MYO16: variants seen among roughly 807,000 people sequenced by gnomAD.
The protein encoded by MYO16 is unconventional myosin-XVI.
Under a neutral mutation model 205.3 loss-of-function variants are expected in MYO16, and 94 were observed. The ratio of observed to expected loss-of-function variants is 0.46; its 90% CI spans 0.39 to 0.54. The LOEUF (loss-of-function observed/expected upper bound fraction) is 0.54, where lower values mean the gene tolerates loss of function less well. MYO16 is among the 20% of genes least tolerant of loss of function. The pLI is 0.00. For missense variants in MYO16, 2,315 were observed against 2,387.5 expected (o/e 0.97, Z 0.63); for synonymous variants, 988 against 954.0 (o/e 1.04, Z -0.66).
At chr13:108,690,767 A>C (rs1394114969) in intron 2 of MYO16, among the ~76,000 whole-genome samples, 2 of 152,158 alleles carry the variant, frequency 1.3e-5, no homozygotes, top group Non-Finnish European at 2.9e-5. Context: ...GTTACTGAAA[A>C]AAGTATAAGA....
intron 27 of MYO16, among the ~76,000 whole-genome samples, chr13:109,100,413 A>C (rs1888924646): frequency 6.6e-6 from 1 of 152,206 alleles, no homozygotes; most frequent in Non-Finnish European, 1.5e-5. Flanking sequence ...GGCCATAAAG[A>C]ATGCTCAAAT....
intron 3 of MYO16, among the ~76,000 whole-genome samples, chr13:108,726,238 A>G (rs1884330859): frequency 6.6e-6 from 1 of 152,210 alleles, no homozygotes; most frequent in African/African-American, 2.4e-5. Flanking sequence ...TGCATTTAGC[A>G]TTATGTAACT....
At chr13:108,879,528 C>T (rs1480154558) in intron 12 of MYO16, among the ~76,000 whole-genome samples, 1 of 152,112 alleles carries the variant, frequency 6.6e-6, no homozygotes, top group Non-Finnish European at 1.5e-5. Flanking sequence ...CAACCCCAGA[C>T]AGGCCCCAGT....
At chr13:108,948,902 A>G (rs1883038576) in intron 16 of MYO16, among the ~76,000 whole-genome samples, 1 of 152,218 alleles carries the variant, frequency 6.6e-6, no homozygotes, top group Non-Finnish European at 1.5e-5. Flanking sequence ...CACACCTCAC[A>G]TATATACACA....
intron 16 of MYO16, among the ~76,000 whole-genome samples, chr13:108,939,259 C>T (rs189811579): frequency 6.6e-6 from 1 of 152,364 alleles, no homozygotes; most frequent in African/African-American, 2.4e-5. Context: ...CCAAGCCTCT[C>T]CGCCAGGTAA....
chr13:108,943,459 T>A (rs1882810898), intron 16 of MYO16, among the ~76,000 whole-genome samples: 1 of 151,954 alleles, frequency 6.6e-6, no homozygotes. Flanking sequence ...CTTTTTTTTA[T>A]TTTTTTTATT....
rs552457416 is a variant in MYO16 at position 108,815,071 on chromosome 13, A to G, written c.868-5266A>G. Among the ~76,000 whole-genome samples the G allele has an allele frequency of 5.3e-5, 8 of 152,312 alleles. No individual in the cohort carries two copies. In the South Asian group the frequency reaches 1.7e-3, roughly 32 times the overall value. On this transcript the variant is annotated intron_variant, in intron 7 of 34. Transcript: ENST00000457511. ...TTTTTTACAGTAGTGTTACAAGCAT[A>G]ACATAGATAGTAATATGTTTAACAA...
intron 10 of MYO16, among the ~76,000 whole-genome samples, chr13:108,850,605 C>A (rs1877807845): frequency 6.6e-6 from 1 of 152,184 alleles, no homozygotes; most frequent in Admixed American, 6.5e-5. Context: ...TTTCAGCCTA[C>A]AACTGCAACA....
intron 1 of MYO16, among the ~76,000 whole-genome samples, chr13:108,599,899 C>A (rs1006589910): frequency 3.9e-5 from 6 of 152,150 alleles, no homozygotes; most frequent in African/African-American, 1.4e-4. Flanking sequence ...AAAATCCATT[C>A]ACAAAGGCCA....
chr13:108,507,410 GT>G, the MYO16 span, among the ~76,000 whole-genome samples: 2 of 151,414 alleles, frequency 1.3e-5, no homozygotes, highest in African/African-American at 4.9e-5. Flanking sequence ...TGCTTGCTAG[GT>G]TTTTTTTAAA....
In MYO16 at chr13:108,964,494, C is replaced by A. The variant is rs77729249; in HGVS notation, c.2228-267C>A. 3.7e-3 allele frequency among the ~76,000 whole-genome samples: 562 copies of A among 152,332 alleles called. 3 individuals are homozygous for A. The highest frequency in any genetic ancestry group is 0.012 in the African/African-American group (491 of 41,570). On this transcript the variant is annotated intron_variant, in intron 19 of 34. Transcript: ENST00000457511. ...ACCCTGTGAAGAACTGTTTCCCTAACTGAGGTGAAATTACACAACCTACAA... is the reference window on the plus strand; with the variant it reads ...ACCCTGTGAAGAACTGTTTCCCTAAATGAGGTGAAATTACACAACCTACAA...
At chr13:108,782,863 A>G (rs1886347252) in intron 4 of MYO16, among the ~76,000 whole-genome samples, 1 of 152,166 alleles carries the variant, frequency 6.6e-6, no homozygotes, top group Non-Finnish European at 1.5e-5. Flanking sequence ...AGAAGTCAAG[A>G]ATTGAGGTTT....
At chr13:108,830,340 G>A (rs1359250566) in intron 9 of MYO16, among the ~76,000 whole-genome samples, 1 of 140,846 alleles carries the variant, frequency 7.1e-6, no homozygotes, top group African/African-American at 2.6e-5. Flanking sequence ...ATTCACAATA[G>A]CAAAGACCTG....
In MYO16 at chr13:108,651,002, C is replaced by G. The variant is rs569091999; in HGVS notation, c.29-14884C>G. On this transcript the variant is annotated intron_variant, in intron 1 of 34. Coordinates refer to ENST00000457511, the MANE Select transcript of MYO16 (RefSeq NM_001198950.3). ...CATGCATTTTATCATTGGATCATCC[C>G]TGTGAGGTAGACACGAGACACAGAG... 2.0e-5 allele frequency among the ~76,000 whole-genome samples: 3 copies of G among 152,304 alleles called. No individual in the cohort carries two copies. In the East Asian group the frequency reaches 5.8e-4, roughly 29 times the overall value.
intron 34 of MYO16, among the ~76,000 whole-genome samples, chr13:109,192,101 C>G: frequency 6.6e-6 from 1 of 152,104 alleles, no homozygotes; most frequent in East Asian, 1.9e-4. Flanking sequence ...CCTCAGCAGA[C>G]CTAGTAGACC....
intron 10 of MYO16, among the ~76,000 whole-genome samples, chr13:108,850,678 T>A (rs1401084475): frequency 6.6e-6 from 1 of 152,224 alleles, no homozygotes; most frequent in Admixed American, 6.5e-5. Context: ...ACAATGCTTT[T>A]GAAATCTATA....
chr13:108,749,543 G>A (rs1290430252), intron 4 of MYO16, among the ~76,000 whole-genome samples: 1 of 152,174 alleles, frequency 6.6e-6, no homozygotes, highest in Non-Finnish European at 1.5e-5. Flanking sequence ...TTATTAGACA[G>A]TTGTAAATTA....
chr13:108,793,237 G>A (rs1353773924), intron 5 of MYO16, among the ~76,000 whole-genome samples: 18 of 146,360 alleles, frequency 1.2e-4, no homozygotes, highest in Non-Finnish European at 2.2e-4. Context: ...GGTGAGCAGC[G>A]ATCGCACCAC....
chr13:108,528,715 C>T, the MYO16 span, among the ~76,000 whole-genome samples: 511 of 124,048 alleles, frequency 4.1e-3, 8 homozygotes, highest in African/African-American at 9.9e-3. Flanking sequence ...TCTCCCGTCA[C>T]GTCACCTCCC....
Sources: gnomAD v4.1 joint callset for allele counts (sites outside exome capture counted in the v4.1 genomes callset) on GRCh38, gnomAD v4.1.1 for gene constraint, MANE v1.5 for transcripts, NCBI Gene and HGNC (gene_info 2026-07-23, HGNC 2026-07-21) for gene names.